Variants in OVCH1 observed in about 807,000 individuals in gnomAD.
OVCH1 encodes ovochymase-1.
In OVCH1, 139 loss-of-function variants were observed where a neutral mutation model predicts 138.4. The observed-to-expected ratio is 1.00, with a 90% CI of 0.87 to 1.16. The LOEUF is 1.16. Ranked by LOEUF, OVCH1 falls within the 50% of genes most tolerant of loss-of-function variation. OVCH1 has a pLI of 0.00. For synonymous variants in OVCH1, 453 were observed against 467.8 expected (o/e 0.97, Z 0.41); for missense variants, 1,367 against 1,357.9 (o/e 1.01, Z -0.11).
chr12:29,478,788 T>G, intron 9 of OVCH1, 47 bp downstream of exon 10: 1 of 1,375,062 alleles, frequency 7.3e-7, no homozygotes, highest in Non-Finnish European at 9.8e-7. Context: ...TCTTTGGTCT[T>G]TCAGATACTC....
chr12:29,439,249 G>A (rs1413574138), intron 26 of OVCH1: 1 of 1,258,202 alleles, frequency 7.9e-7, no homozygotes, highest in Non-Finnish European at 1.0e-6. Context: ...CCTTTATTTT[G>A]TCACTTCTCT....
intron 3 of OVCH1, among the ~76,000 whole-genome samples, chr12:29,416,122 A>C (rs1941028471): frequency 6.6e-6 from 1 of 152,040 alleles, no homozygotes; most frequent in African/African-American, 2.4e-5. Flanking sequence ...AAAAGAGAGA[A>C]AGGAACTTCA....
chr12:29,485,693 G>A (rs1044785627), intron 8 of OVCH1, among the ~76,000 whole-genome samples: 29 of 151,904 alleles, frequency 1.9e-4, no homozygotes, highest in Admixed American at 4.6e-4. Context: ...GGAGAATGGC[G>A]TTAACCCGGA....
At chr12:29,436,493 TCTCA>T (rs1261843693) in intron 26 of OVCH1, among the ~76,000 whole-genome samples, 38 of 152,216 alleles carry the variant, frequency 2.5e-4, no homozygotes, top group Non-Finnish European at 5.9e-5. Flanking sequence ...TCTATAAATT[TCTCA>T]CTCAGCTCAT....
intron 12 of OVCH1, among the ~76,000 whole-genome samples, chr12:29,476,610 A>C (rs1263298305): frequency 6.6e-6 from 1 of 152,176 alleles, no homozygotes; most frequent in East Asian, 1.9e-4. Flanking sequence ...ACACCTGCTA[A>C]TAGGGAACTG....
At position 29,460,175 on chromosome 12, in the gene OVCH1, C is replaced by T. The variant is rs1375194100; in HGVS notation, c.2280+1679G>A. 2.6e-5 allele frequency among the ~76,000 whole-genome samples: 4 copies of T among 152,302 alleles called. No homozygotes were observed. The East Asian group carries it at 5.8e-4, about 22-fold the overall frequency. ...TGAAAAGATAAGTGCCAACTGAGATCATGATATTTAGGTCACCTGTGACAT... is the reference window on the plus strand; with the variant it reads ...TGAAAAGATAAGTGCCAACTGAGATTATGATATTTAGGTCACCTGTGACAT... On this transcript the variant is annotated intron_variant, in intron 19 of 27. Coordinates refer to ENST00000318184, the Ensembl canonical transcript of OVCH1.
intron 7 of OVCH1, chr12:29,486,953 C>G (rs1943127816): frequency 2.2e-6 from 1 of 455,440 alleles, no homozygotes; most frequent in Admixed American, 2.4e-5. Context: ...AGTGAAGAGG[C>G]CTTTTACATC....
chr12:29,443,885 A>G (rs757399185), intron 24 of OVCH1, among the ~76,000 whole-genome samples: 1 of 152,086 alleles, frequency 6.6e-6, no homozygotes, highest in Non-Finnish European at 1.5e-5. Context: ...AGCCTCCAAC[A>G]TTCTTTGTAA....
In OVCH1 at chr12:29,443,256, G is replaced by C. The variant is rs1403681289; in HGVS notation, c.3157+105C>G. On this transcript the variant is annotated intron_variant, in intron 25 of 27. Transcript: ENST00000318184. ...TCTATTTCAACATCCTATAAGAAGA[G>C]ACTAGTGTATGTCACATGTAAGCCA... 4.5e-6 allele frequency: 5 copies of C among 1,099,688 alleles called. No individual in the cohort carries two copies. In the Admixed American group the frequency reaches 1.2e-4, roughly 27 times the overall value. 68.1% of individuals were successfully genotyped at this position (1,099,688 alleles called of 1,614,324 possible).
At chr12:29,421,141 T>C (rs906908668) in intron 3 of OVCH1, among the ~76,000 whole-genome samples, 3 of 152,220 alleles carry the variant, frequency 2.0e-5, no homozygotes, top group African/African-American at 7.2e-5. Flanking sequence ...GCCAGGGCCA[T>C]GACATTGCAG....
At chr12:29,463,938 T>C (rs1451829639) in intron 18 of OVCH1, among the ~76,000 whole-genome samples, 8 of 152,198 alleles carry the variant, frequency 5.3e-5, no homozygotes, top group African/African-American at 1.9e-4. Flanking sequence ...GATCTTTCAC[T>C]GTTTTACTAA....
At chr12:29,486,994 AG>A (rs1943129269) in intron 7 of OVCH1, 1 of 450,774 alleles carries the variant, frequency 2.2e-6, no homozygotes, top group African/African-American at 2.0e-5. Flanking sequence ...TGGCAGTCTG[AG>A]GAAGTGCTGG....
In OVCH1 at chr12:29,496,132, G is replaced by A. The variant is rs754385558; in HGVS notation, c.281+49C>T. ...ATTTAGAGCAACAAATCTGCCAGTC[G>A]CATAGCCAGGAATCAAGGCCTGACA... On this transcript the variant is annotated intron_variant, in intron 3 of 27. Coordinates refer to ENST00000318184, the Ensembl canonical transcript of OVCH1. 1.6e-5 allele frequency: 24 copies of A among 1,484,022 alleles called. No homozygotes were observed. In the African/African-American group the frequency reaches 2.2e-4, roughly 14 times the overall value. 91.9% of individuals were successfully genotyped at this position (1,484,022 alleles called of 1,614,324 possible). A position where few individuals can be genotyped will look rare whatever the true frequency, so the allele number is the denominator to read the frequency against.
chr12:29,427,753 GC>G (rs1388909137), intron 27 of OVCH1: 1 of 1,443,056 alleles, frequency 6.9e-7, no homozygotes, highest in Admixed American at 2.2e-5. Flanking sequence ...CAGGAGAGTA[GC>G]AACAGGGGTC....
chr12:29,446,987 C>T lies in OVCH1; in HGVS notation c.2756-1584G>A, dbSNP rs1941635034. ...AACAACACAAAAGCAAATGACAATA[C>T]TAAGAATAAGCATTAGGAATAAATG... On this transcript the variant is annotated intron_variant, in intron 22 of 27. Coordinates refer to ENST00000318184, the Ensembl canonical transcript of OVCH1. 2.0e-5 allele frequency among the ~76,000 whole-genome samples: 3 copies of T among 151,538 alleles called. No individual in the cohort carries two copies. The South Asian group carries it at 6.2e-4, about 32-fold the overall frequency.
intron 4 of OVCH1, among the ~76,000 whole-genome samples, chr12:29,493,336 TC>T (rs1943323004): frequency 6.6e-6 from 1 of 152,084 alleles, no homozygotes; most frequent in Admixed American, 6.6e-5. Context: ...TGGGATCCAT[TC>T]TTTTAGTGTG....
At chr12:29,438,513 ATTAAT>A (rs753978359) in intron 26 of OVCH1, among the ~76,000 whole-genome samples, 1 of 152,092 alleles carries the variant, frequency 6.6e-6, no homozygotes, top group South Asian at 2.1e-4. Context: ...ATATTTTTAA[ATTAAT>A]TTGTGTTGAA....
At position 29,461,613 on chromosome 12, in the gene OVCH1, G is replaced by C. The variant is rs1233936343; in HGVS notation, c.2280+241C>G. 2.0e-5 allele frequency: 11 copies of C among 553,588 alleles called. No individual in the cohort carries two copies. The Admixed American group carries it at 2.3e-4, about 12-fold the overall frequency. 34.3% of individuals were successfully genotyped at this position (553,588 alleles called of 1,614,324 possible). ...TCTGCCATTTCCTGCCTTCTCACCA[G>C]CTCCTCTATGAACCCACCGGCCTTT... On this transcript the variant is annotated intron_variant, in intron 19 of 27. Transcript: ENST00000318184.
intron 25 of OVCH1, among the ~76,000 whole-genome samples, chr12:29,441,703 A>C (rs955426594): frequency 7.0e-4 from 106 of 152,312 alleles, no homozygotes; most frequent in African/African-American, 2.5e-3. Flanking sequence ...AATGGGAGAA[A>C]ATTTTCGCAA....
Sources: gnomAD v4.1 joint callset for allele counts (sites outside exome capture counted in the v4.1 genomes callset) on GRCh38, gnomAD v4.1.1 for gene constraint, MANE v1.5 for transcripts, NCBI Gene and HGNC (gene_info 2026-07-23, HGNC 2026-07-21) for gene names.